The following ATP10A variants were observed in gnomAD, a reference collection of about 807,000 sequenced individuals.
The protein encoded by ATP10A is phospholipid-transporting ATPase VA.
Under a neutral mutation model 147.8 loss-of-function variants are expected in ATP10A, and 111 were observed. The ratio of observed to expected loss-of-function variants is 0.75; its 90% confidence interval spans 0.64 to 0.88. The LOEUF is 0.88. Among genes scored for constraint, ATP10A ranks in the 40% least tolerant of loss-of-function variants. ATP10A has a pLI of 0.00. For synonymous variants in ATP10A, 875 were observed against 841.6 expected, an observed-to-expected ratio of 1.04 and a Z score of -0.69; for missense variants, 1,927 against 1,959.0, an observed-to-expected ratio of 0.98 and a Z score of 0.31.
chr15:25,774,359 G>A (rs1889497123), intron 2 of ATP10A, among the ~76,000 whole-genome samples: 1 of 152,204 alleles, frequency 6.6e-6, no homozygotes, highest in African/African-American at 2.4e-5. Flanking sequence ...TGGATCACCT[G>A]AGGTCCAGAG....
Position 25,679,766 on chromosome 15 carries a change from G to A in ATP10A, c.4075C>T (p.Gln1359Ter). ...CTGGCCTCCAGGGAGCAGACCGGCT[G>A]CTGTGTGTGCCAAGAAGGCTGGGAC... is the stretch of plus-strand genomic sequence containing the variant. Reference protein sequence around the residue: ...PLSQPSWHTQQPVCSLEASGE... With the variant: ...PLSQPSWHTQ The change falls in exon 21 of 21, where the codon CAG (glutamine) becomes TAG (stop). Residue 1359 changes from glutamine (Q) to a stop codon, truncating the protein, a stop_gained. Coordinates refer to ENST00000555815, the MANE Select transcript of ATP10A (RefSeq NM_024490.4). LOFTEE classifies it high-confidence loss of function. The A allele has an allele frequency of 6.2e-7, 1 of 1,613,144 alleles. No homozygotes were observed. The highest frequency in any genetic ancestry group is 8.5e-7 in the Non-Finnish European group (1 of 1,179,932).
At chr15:25,745,964 G>T (rs1327393927) in intron 2 of ATP10A, among the ~76,000 whole-genome samples, 2 of 152,064 alleles carry the variant, frequency 1.3e-5, no homozygotes, top group Non-Finnish European at 2.9e-5. Context: ...AGAGAAAAAA[G>T]AATACATCAG....
chr15:25,720,987 C>T (rs12442742), intron 7 of ATP10A, among the ~76,000 whole-genome samples: 146,213 of 152,208 alleles, frequency 0.96, 70,339 homozygotes, highest in Non-Finnish European at 0.99. Context: ...TGCAGGGTGC[C>T]CACTCCCAGG....
In ATP10A at chr15:25,679,767, C is replaced by A. The variant is rs371821622; in HGVS notation, c.4074G>T (p.Gln1358His). Residue 1358 changes from glutamine to histidine, a missense_variant, in exon 21 of 21, where the codon CAG (glutamine) becomes CAT (histidine). Physicochemically the swap from Gln to His is conservative, Grantham distance 24. Transcript: ENST00000555815. ...TGGCCTCCAGGGAGCAGACCGGCTG[C>A]TGTGTGTGCCAAGAAGGCTGGGACA... ...VPLSQPSWHT[Q>H]QPVCSLEASG... The A allele has an allele frequency of 5.0e-6, 8 of 1,612,952 alleles. No homozygotes were observed. Among genetic ancestry groups the A allele is most frequent in the African/African-American group, 2.7e-5 (2 of 74,946 alleles).
upstream of ATP10A, among the ~76,000 whole-genome samples, chr15:25,864,703 C>T (rs1302297777): frequency 2.0e-5 from 3 of 152,146 alleles, no homozygotes; most frequent in African/African-American, 4.8e-5. Flanking sequence ...CTGAAGTCTG[C>T]ATTGTTGGGG....
rs1300041000 is a variant in ATP10A, at chr15:25,863,008, T to C, written c.89A>G (p.Asn30Ser). The change falls in exon 1 of 21, where the codon AAC becomes AGC. Residue 30 changes from asparagine to serine, a missense_variant. By Grantham distance (46) the Asn-to-Ser change is conservative. Coordinates refer to ENST00000555815, the MANE Select transcript of ATP10A (RefSeq NM_024490.4). Reference protein sequence around the residue: ...REGRTRTVRSNLLPPPGAEDP... With the variant: ...REGRTRTVRSSLLPPPGAEDP... ...CTCGGCGCCCGGGGGCGGCAGCAGGTTGGAGCGCACCGTGCGCGTCCTGCC... is the reference window on the plus strand; with the variant it reads ...CTCGGCGCCCGGGGGCGGCAGCAGGCTGGAGCGCACCGTGCGCGTCCTGCC... The C allele has an allele frequency of 4.3e-6, 6 of 1,385,474 alleles. No homozygotes were observed. Among genetic ancestry groups the C allele is most frequent in the African/African-American group, 1.5e-5 (1 of 65,258 alleles). The allele number at this position is 1,385,474 out of a possible 1,614,324, so 85.8% of individuals were successfully genotyped here.
At chr15:25,857,472 T>C (rs1893567994) in intron 1 of ATP10A, among the ~76,000 whole-genome samples, 2 of 152,136 alleles carry the variant, frequency 1.3e-5, no homozygotes, top group African/African-American at 4.8e-5. Flanking sequence ...TTTTTAGGTA[T>C]GATAATGGTA....
At position 25,845,526 on chromosome 15, in the gene ATP10A, G is replaced by A. The variant is rs148976726; in HGVS notation, c.449+17122C>T. ...CAAGAAGTGTCAAGGTTGAGAGAAA[G>A]TGTGGGATGACATCTAGGCAACAAG... On this transcript the variant is annotated intron_variant, in intron 1 of 20. Transcript: ENST00000555815. Among the ~76,000 whole-genome samples, 363 of 152,278 alleles carry A rather than the reference G, an allele frequency of 2.4e-3. 5 individuals carry two copies. The highest frequency in any genetic ancestry group is 2.1e-3 in the Non-Finnish European group (146 of 68,028).
intron 1 of ATP10A, among the ~76,000 whole-genome samples, chr15:25,783,934 A>C (rs1890044331): frequency 6.6e-6 from 1 of 152,142 alleles, no homozygotes; most frequent in Admixed American, 6.5e-5. Context: ...GTCTGAGAGG[A>C]GGCATGGCAG....
At chr15:25,694,763 T>G in intron 14 of ATP10A, 56 bp downstream of exon 14, 1 of 1,459,182 alleles carries the variant, frequency 6.9e-7, no homozygotes, top group Non-Finnish European at 9.3e-7. Flanking sequence ...CATGGAAGGG[T>G]AGAGGAAGTT....
intron 2 of ATP10A, among the ~76,000 whole-genome samples, chr15:25,762,464 A>G (rs1422401566): frequency 6.6e-6 from 1 of 152,200 alleles, no homozygotes; most frequent in African/African-American, 2.4e-5. Flanking sequence ...AAATGTTTGT[A>G]GAGACTGTGT....
chr15:25,854,853 T>A (rs928957050), intron 1 of ATP10A, among the ~76,000 whole-genome samples: 1 of 151,774 alleles, frequency 6.6e-6, no homozygotes, highest in African/African-American at 2.4e-5. Flanking sequence ...AAGTCAGGAG[T>A]TCGAGGCCAG....
chr15:25,772,949 T>C (rs923873866), intron 2 of ATP10A, among the ~76,000 whole-genome samples: 3 of 152,124 alleles, frequency 2.0e-5, no homozygotes, highest in African/African-American at 7.2e-5. Flanking sequence ...CTCACTGGGG[T>C]TCACGAAGTC....
At chr15:25,728,974 TGA>T (rs954995227) in intron 3 of ATP10A, among the ~76,000 whole-genome samples, 22 of 152,208 alleles carry the variant, frequency 1.4e-4, no homozygotes, top group Non-Finnish European at 2.9e-4. Context: ...CTTGGGCTTC[TGA>T]GAGAGAGAGG....
chr15:25,742,370 C>T (rs1310765939), intron 2 of ATP10A, among the ~76,000 whole-genome samples: 4 of 152,228 alleles, frequency 2.6e-5, no homozygotes, highest in Non-Finnish European at 5.9e-5. Flanking sequence ...TTTCTTGCCG[C>T]AAGCACCAGT....
chr15:25,757,219 T>G (rs1888461502), intron 2 of ATP10A, among the ~76,000 whole-genome samples: 1 of 152,162 alleles, frequency 6.6e-6, no homozygotes, highest in Non-Finnish European at 1.5e-5. Flanking sequence ...TATATTTGGG[T>G]CTGTTAGTAA....
chr15:25,762,764 G>C (rs1219107772), intron 2 of ATP10A, among the ~76,000 whole-genome samples: 1 of 151,980 alleles, frequency 6.6e-6, no homozygotes, highest in Non-Finnish European at 1.5e-5. Context: ...ATTTTCTGTA[G>C]AGACAAGGTT....
At position 25,814,613 on chromosome 15, in the gene ATP10A, C is replaced by T. The variant is rs577017818; in HGVS notation, c.450-33390G>A. ...TTCTTCAAAATCGCTCTGGAATATG[C>T]CCACTTCATTGTGATCCCTGGAGTC... is the stretch of plus-strand genomic sequence containing the variant. On this transcript the variant is annotated intron_variant, in intron 1 of 20. Transcript: ENST00000555815. Among the ~76,000 whole-genome samples the T allele has an allele frequency of 3.3e-5, 5 of 152,292 alleles. No individual in the cohort carries two copies. In the South Asian group the frequency reaches 8.3e-4, roughly 25 times the overall value.
downstream of ATP10A, among the ~76,000 whole-genome samples, chr15:25,675,961 GGGAGGGGAAAGGGGAGGGAGAGGA>G (rs1249590437): frequency 6.6e-6 from 1 of 151,966 alleles, no homozygotes; most frequent in African/African-American, 2.4e-5. Flanking sequence ...AAAGGGGAAG[GGGAGGGGAAAGGGGAGGGAGAGGA>G]GGAGGGGAAA....
Sources: allele counts gnomAD v4.1 joint callset (sites outside exome capture counted in the v4.1 genomes callset), GRCh38; gene constraint gnomAD v4.1.1; transcripts MANE v1.5; gene names NCBI Gene and HGNC (gene_info 2026-07-23, HGNC 2026-07-21).